Variants in PYGO1 observed in about 807,000 individuals in gnomAD.
PYGO1 encodes the protein pygopus family PHD finger 1, also known as pygopus homolog 1.
PYGO1 carries 6 observed loss-of-function variants against 29.5 expected under a neutral mutation model. The ratio of observed to expected loss-of-function variants is 0.20; its 90% CI spans 0.11 to 0.40. The LOEUF (loss-of-function observed/expected upper bound fraction) is 0.40, where lower values mean the gene tolerates loss of function less well. Among genes scored for constraint, PYGO1 ranks in the 10% least tolerant of loss-of-function variants. The pLI is 1.00. For synonymous variants in PYGO1, 186 were observed against 180.5 expected (o/e 1.03, Z -0.24); for missense variants, 515 against 514.9 (o/e 1.00, Z 0.00).
chr15:55,565,483 T>G (rs1369262894), intron 1 of PYGO1, among the ~76,000 whole-genome samples: 2 of 151,878 alleles, frequency 1.3e-5, no homozygotes, highest in African/African-American at 2.4e-5. Flanking sequence ...GCGGGCAGAC[T>G]ACCTGAGGTC....
intron 1 of PYGO1, among the ~76,000 whole-genome samples, chr15:55,574,446 AG>A (rs2058992929): frequency 6.6e-6 from 1 of 152,182 alleles, no homozygotes; most frequent in African/African-American, 2.4e-5. Flanking sequence ...TTTTTGTAAT[AG>A]ATTTGTGTAA....
chr15:55,554,886 T>C (rs1346320070), intron 1 of PYGO1, among the ~76,000 whole-genome samples: 2 of 152,146 alleles, frequency 1.3e-5, no homozygotes, highest in Admixed American at 6.5e-5. Flanking sequence ...CTACAACTCA[T>C]TGGTTTCCCT....
In PYGO1 at chr15:55,546,945, C is replaced by T. The variant is rs144256265; in HGVS notation, c.338G>A (p.Arg113Lys). ...TFRMPPHVPP[R>K]MSSPYCGPYS... ...AGGACCACAGTATGGGGAAGACATT[C>T]TTGGGGGAACGTGAGGTGGCATTCT... The change falls in exon 3 of 3, where the codon AGA becomes AAA. Residue 113 changes from arginine to lysine, a missense_variant. Arg to Lys is a conservative substitution (Grantham distance 26). Coordinates refer to ENST00000563719, the MANE Select transcript of PYGO1 (RefSeq NM_001367806.1). The T allele has an allele frequency of 1.3e-5, 21 of 1,614,016 alleles. No individual in the cohort carries two copies. The African/African-American group carries it at 2.8e-4, about 22-fold the overall frequency.
At chr15:55,565,068 A>G (rs2058949407) in intron 1 of PYGO1, among the ~76,000 whole-genome samples, 1 of 152,212 alleles carries the variant, frequency 6.6e-6, no homozygotes, top group Non-Finnish European at 1.5e-5. Context: ...TTCTTGAACT[A>G]GCCATAAAGA....
At chr15:55,558,936 T>C (rs574455955) in intron 1 of PYGO1, among the ~76,000 whole-genome samples, 1,977 of 152,066 alleles carry the variant, frequency 0.013, 37 homozygotes, top group African/African-American at 0.044. Flanking sequence ...AAGGACTTCA[T>C]GTCTAAAACA....
upstream of PYGO1, chr15:55,588,920 C>T: frequency 7.1e-7 from 1 of 1,406,792 alleles, no homozygotes; most frequent in Non-Finnish European, 1.0e-6. Context: ...TGTAGAATGC[C>T]TCCACTTGGT....
In PYGO1 at chr15:55,550,507, A is replaced by C. The variant is rs535351803; in HGVS notation, c.50-1512T>G. On this transcript the variant is annotated intron_variant, in intron 1 of 2. Coordinates refer to ENST00000563719, the MANE Select transcript of PYGO1 (RefSeq NM_001367806.1). ...TCAACATGTTTTCTCAGAGGTTATT[A>C]ATACCAGCTGGGCAGCACCTCAATC... Among the ~76,000 whole-genome samples the C allele has an allele frequency of 2.6e-5, 4 of 152,240 alleles. No individual in the cohort carries two copies. The East Asian group carries it at 7.7e-4, about 29-fold the overall frequency.
In PYGO1 at chr15:55,548,778, GAAAGTACAATGAATGATTA is replaced by G. The variant is rs1156905359; in HGVS notation, c.135+113_135+131del. 5 of 267,772 alleles carry G rather than the reference GAAAGTACAATGAATGATTA, an allele frequency of 1.9e-5. No individual in the cohort carries two copies. In the East Asian group the frequency reaches 4.1e-4, roughly 22 times the overall value. 16.6% of individuals were successfully genotyped at this position (267,772 alleles called of 1,614,324 possible). On this transcript the variant is annotated intron_variant, in intron 2 of 2. Coordinates refer to ENST00000563719, the MANE Select transcript of PYGO1 (RefSeq NM_001367806.1). Reference sequence around the variant, plus strand: ...AGTACCATCACTGGAATGATTGATTGAAAGTACAATGAATGATTAAAAGTACAATCACTTGAATAGAAAA... The same window carrying G: ...AGTACCATCACTGGAATGATTGATTGAAAGTACAATCACTTGAATAGAAAA...
chr15:55,576,253 G>A (rs1237547956), intron 1 of PYGO1, among the ~76,000 whole-genome samples: 2 of 143,560 alleles, frequency 1.4e-5, no homozygotes, highest in Non-Finnish European at 1.5e-5. Context: ...TCAGGAGATC[G>A]AGACCATCCC....
rs2058827507 is a variant in PYGO1, at chr15:55,541,380, G to C, written c.*4643C>G. ...AAGAAAATCTCTAAGTTCAGAATTA[G>C]AGGAGAGGAAGCTGTGAAAAGTCAC... On this transcript the variant is annotated 3_prime_UTR_variant, in exon 3 of 3. Transcript: ENST00000563719. The C allele has an allele frequency of 6.6e-6, 1 of 152,186 alleles. No individual in the cohort carries two copies. Among genetic ancestry groups the C allele is most frequent in the East Asian group, 1.9e-4 (1 of 5,200 alleles). 9.4% of individuals were successfully genotyped at this position (152,186 alleles called of 1,614,324 possible). A position where few individuals can be genotyped will look rare whatever the true frequency, so the allele number is the denominator to read the frequency against.
intron 1 of PYGO1, among the ~76,000 whole-genome samples, chr15:55,556,437 C>A (rs547845387): frequency 2.6e-4 from 40 of 152,178 alleles, no homozygotes; most frequent in Non-Finnish European, 5.7e-4. Flanking sequence ...AAATCAAGTT[C>A]TTCGAAACTA....
rs1006083260 is a variant in PYGO1 at position 55,587,980 on chromosome 15, T to C, written c.-97A>G. The C allele has an allele frequency of 8.5e-6, 12 of 1,412,132 alleles. No individual in the cohort carries two copies. The highest frequency in any genetic ancestry group is 1.8e-4 in the Middle Eastern group (1 of 5,452). The allele number at this position is 1,412,132 out of a possible 1,614,324, so 87.5% of individuals were successfully genotyped here. ...CTCCTCCTCGCGGGGCCGCTGCGGC[T>C]GCGAGGCAAGCCTCGGAGCCGAGGC... On this transcript the variant is annotated 5_prime_UTR_variant, in exon 1 of 3. Coordinates refer to ENST00000563719, the MANE Select transcript of PYGO1 (RefSeq NM_001367806.1).
At chr15:55,569,540 G>A (rs62021862) in intron 1 of PYGO1, among the ~76,000 whole-genome samples, 8,239 of 152,128 alleles carry the variant, frequency 0.054, 278 homozygotes, top group Middle Eastern at 0.068. Context: ...TCATTACCCA[G>A]ATGTCATTTC....
chr15:55,558,877 A>C (rs952166654), intron 1 of PYGO1, among the ~76,000 whole-genome samples: 1 of 151,952 alleles, frequency 6.6e-6, no homozygotes, highest in Non-Finnish European at 1.5e-5. Context: ...AAACCATAAA[A>C]TCCCTAGAAG....
At chr15:55,563,548 T>C (rs1283007418) in intron 1 of PYGO1, among the ~76,000 whole-genome samples, 3 of 152,008 alleles carry the variant, frequency 2.0e-5, no homozygotes, top group East Asian at 3.9e-4. Context: ...GATGGGGTTT[T>C]ACCACATGGG....
At chr15:55,554,032 G>A (rs755325416) in intron 1 of PYGO1, among the ~76,000 whole-genome samples, 6 of 152,044 alleles carry the variant, frequency 3.9e-5, no homozygotes, top group African/African-American at 9.7e-5. Flanking sequence ...CCATCCAAAG[G>A]TCAGCAACCT....
intron 1 of PYGO1, among the ~76,000 whole-genome samples, chr15:55,579,780 G>T (rs1241928065): frequency 6.6e-6 from 1 of 152,108 alleles, no homozygotes; most frequent in Admixed American, 6.6e-5. Context: ...CTATCATCTT[G>T]CTTACTTTTC....
intron 1 of PYGO1, among the ~76,000 whole-genome samples, chr15:55,579,012 C>T (rs2059015188): frequency 6.6e-6 from 1 of 152,030 alleles, no homozygotes; most frequent in South Asian, 2.1e-4. Context: ...AAAAGAACTT[C>T]TATATTTTAA....
intron 1 of PYGO1, among the ~76,000 whole-genome samples, chr15:55,586,325 G>A (rs938910086): frequency 1.1e-4 from 16 of 152,132 alleles, no homozygotes; most frequent in Non-Finnish European, 1.9e-4. Flanking sequence ...AAGATGCCCT[G>A]TTTAAAATGT....
Sources: gnomAD v4.1 joint callset for allele counts (sites outside exome capture counted in the v4.1 genomes callset) on GRCh38, gnomAD v4.1.1 for gene constraint, MANE v1.5 for transcripts, NCBI Gene and HGNC (gene_info 2026-07-23, HGNC 2026-07-21) for gene names.